CNTN3: variants seen among roughly 807,000 people sequenced by gnomAD.
The protein encoded by CNTN3 is contactin 3.
A neutral mutation model predicts 119.1 loss-of-function variants in CNTN3; 60 were observed. The observed-to-expected ratio is 0.50, with a 90% CI of 0.41 to 0.62. The LOEUF is 0.62. CNTN3 is among the 20% of genes least tolerant of loss of function. The pLI is 0.00. For synonymous variants in CNTN3, 450 were observed against 438.7 expected (o/e 1.03, Z -0.32); for missense variants, 1,101 against 1,242.4 (o/e 0.89, Z 1.71).
rs1452908769 is a variant in CNTN3, at chr3:74,521,070, C to T, written c.43G>A (p.Gly15Ser). 6.9e-6 allele frequency: 11 copies of T among 1,598,120 alleles called. No individual in the cohort carries two copies. In the Middle Eastern group the frequency reaches 1.3e-3, roughly 194 times the overall value. ...WKQLILLSFI[G>S]CLGGELLLQG... Reference sequence around the variant, plus strand: ...GATTTTTTTTTACCTCCTAAGCAGCCAATGAATGAAAGCAGGATCAACTGT... The same window carrying T: ...GATTTTTTTTTACCTCCTAAGCAGCTAATGAATGAAAGCAGGATCAACTGT... The change falls in exon 2 of 23, where the codon GGC (glycine) becomes AGC (serine). Residue 15 changes from glycine to serine, a missense_variant. By Grantham distance (56) the Gly-to-Ser change is moderately conservative. Coordinates refer to ENST00000263665, the MANE Select transcript of CNTN3 (RefSeq NM_020872.3).
intron 13 of CNTN3, among the ~76,000 whole-genome samples, chr3:74,328,603 T>C (rs955734454): frequency 1.3e-5 from 2 of 152,294 alleles, no homozygotes; most frequent in South Asian, 2.1e-4. Context: ...CTTTGGACTA[T>C]TCATCTTCAT....
intron 1 of CNTN3, among the ~76,000 whole-genome samples, chr3:74,549,184 G>A (rs1022994274): frequency 3.9e-5 from 6 of 152,008 alleles, no homozygotes; most frequent in Non-Finnish European, 7.4e-5. Context: ...GTGTTGTCTC[G>A]TAATAGAGTT....
At chr3:74,332,938 T>G (rs1411721986) in intron 13 of CNTN3, among the ~76,000 whole-genome samples, 1 of 152,258 alleles carries the variant, frequency 6.6e-6, no homozygotes, top group African/African-American at 2.4e-5. Flanking sequence ...AAGAAATTGT[T>G]AACTTGTAAG....
chr3:74,529,523 G>C (rs1703664636), intron 1 of CNTN3, among the ~76,000 whole-genome samples: 1 of 151,854 alleles, frequency 6.6e-6, no homozygotes, highest in South Asian at 2.1e-4. Context: ...TTATTTGAGT[G>C]GTTCCTCAGT....
intron 4 of CNTN3, among the ~76,000 whole-genome samples, chr3:74,444,749 A>T (rs79090731): frequency 0.012 from 1,836 of 152,206 alleles, 25 homozygotes; most frequent in Non-Finnish European, 0.018. Flanking sequence ...TTCAGCAAAA[A>T]CTTAAATTTT....
intron 4 of CNTN3, among the ~76,000 whole-genome samples, chr3:74,445,426 C>T (rs1334338950): frequency 1.3e-5 from 2 of 151,980 alleles, no homozygotes; most frequent in South Asian, 2.1e-4. Flanking sequence ...CCATGCCTGG[C>T]TAATTTTTGT....
In CNTN3 at chr3:74,347,164, G is replaced by T. The variant is rs1205610883; in HGVS notation, c.1365-10506C>A. Among the ~76,000 whole-genome samples, 4 of 152,282 alleles carry T rather than the reference G, an allele frequency of 2.6e-5. No homozygotes were observed. The East Asian group carries it at 7.7e-4, about 29-fold the overall frequency. On this transcript the variant is annotated intron_variant, in intron 11 of 22. Coordinates refer to ENST00000263665, the MANE Select transcript of CNTN3 (RefSeq NM_020872.3). ...AACAAACATAAAATGTGATCATTAGGTAGGAAATATTATGTCATAAGCATG... is the reference window on the plus strand; with the variant it reads ...AACAAACATAAAATGTGATCATTAGTTAGGAAATATTATGTCATAAGCATG...
At chr3:74,305,792 C>T (rs1004514905) in intron 13 of CNTN3, among the ~76,000 whole-genome samples, 23 of 150,864 alleles carry the variant, frequency 1.5e-4, no homozygotes, top group African/African-American at 5.1e-4. Context: ...CTTGAATGTG[C>T]TCATTTTGTG....
intron 11 of CNTN3, among the ~76,000 whole-genome samples, chr3:74,347,446 G>T (rs1703719289): frequency 6.6e-6 from 1 of 152,086 alleles, no homozygotes; most frequent in African/African-American, 2.4e-5. Context: ...TCCCTCTGTT[G>T]CCCAAGCTGG....
In CNTN3 at chr3:74,566,832, G is replaced by A. The variant is rs1559660761; in HGVS notation, c.-80-45640C>T. 2.6e-5 allele frequency among the ~76,000 whole-genome samples: 4 copies of A among 152,294 alleles called. No homozygotes were observed. The South Asian group carries it at 8.3e-4, about 32-fold the overall frequency. ...CCTGGAGATAAGAATTCCAGCTCAA[G>A]AAAAGCTGTGGCATTCCATACAGGA... On this transcript the variant is annotated intron_variant, in intron 1 of 22. Transcript: ENST00000263665.
At chr3:74,296,548 G>A (rs887837725) in intron 18 of CNTN3, among the ~76,000 whole-genome samples, 8 of 152,276 alleles carry the variant, frequency 5.3e-5, no homozygotes, top group Middle Eastern at 6.8e-3. Flanking sequence ...GCGGGGAGCC[G>A]AAGAAAAATC....
intron 4 of CNTN3, among the ~76,000 whole-genome samples, chr3:74,451,046 G>T (rs1702144446): frequency 6.6e-6 from 1 of 152,072 alleles, no homozygotes; most frequent in Admixed American, 6.6e-5. Flanking sequence ...GGATGGCTGG[G>T]TCAAATGGTA....
intron 5 of CNTN3, among the ~76,000 whole-genome samples, chr3:74,418,131 G>A (rs896898911): frequency 2.0e-5 from 3 of 152,078 alleles, no homozygotes; most frequent in African/African-American, 7.2e-5. Flanking sequence ...TATTGGAGAA[G>A]CAGTCTACAC....
At chr3:74,559,509 C>A (rs2107172049) in intron 1 of CNTN3, among the ~76,000 whole-genome samples, 1 of 152,076 alleles carries the variant, frequency 6.6e-6, no homozygotes, top group Non-Finnish European at 1.5e-5. Context: ...CTACCTCTAC[C>A]AGCAGGGAGC....
chr3:74,490,681 C>T (rs1203564421), intron 3 of CNTN3, among the ~76,000 whole-genome samples: 1 of 152,184 alleles, frequency 6.6e-6, no homozygotes, highest in Non-Finnish European at 1.5e-5. Flanking sequence ...TGTTCCATTA[C>T]ACACAAACGC....
chr3:74,305,295 T>A lies in CNTN3; in HGVS notation c.1669-2488A>T, dbSNP rs62269914. On this transcript the variant is annotated intron_variant, in intron 13 of 22. Transcript: ENST00000263665. ...GCTGAAGATGTGGAACTGGAACTCT[T>A]ATTGCTGAAAGGAGTGTAGATTGGT... is the stretch of plus-strand genomic sequence containing the variant. 1.3e-3 allele frequency among the ~76,000 whole-genome samples: 191 copies of A among 152,304 alleles called. 1 individual carries two copies. The highest frequency in any genetic ancestry group is 3.8e-3 in the Admixed American group (58 of 15,294).
intron 13 of CNTN3, among the ~76,000 whole-genome samples, chr3:74,322,037 T>G (rs1703007658): frequency 6.6e-6 from 1 of 151,854 alleles, no homozygotes; most frequent in African/African-American, 2.4e-5. Flanking sequence ...AATACAAAAA[T>G]TAGCCAGGTG....
chr3:74,275,081 A>G (rs910465313), intron 20 of CNTN3, among the ~76,000 whole-genome samples: 4 of 152,206 alleles, frequency 2.6e-5, no homozygotes, highest in African/African-American at 9.6e-5. Flanking sequence ...AAGGTCCTCA[A>G]TTTAACCCAA....
chr3:74,435,341 G>C (rs1701848879), intron 4 of CNTN3, among the ~76,000 whole-genome samples: 1 of 151,976 alleles, frequency 6.6e-6, no homozygotes, highest in Admixed American at 6.6e-5. Flanking sequence ...TCCCCAGCTA[G>C]TTTTTTGTAT....
Sources: allele counts gnomAD v4.1 joint callset (sites outside exome capture counted in the v4.1 genomes callset), GRCh38; gene constraint gnomAD v4.1.1; transcripts MANE v1.5; gene names NCBI Gene and HGNC (gene_info 2026-07-23, HGNC 2026-07-21).